The following MAPKAP1 variants were observed in gnomAD, a reference collection of about 807,000 sequenced individuals.
MAPKAP1 encodes the protein target of rapamycin complex 2 subunit MAPKAP1.
MAPKAP1 carries 20 observed loss-of-function variants against 65.7 expected under a neutral mutation model. That is an observed-to-expected ratio of 0.30 (90% CI 0.21 to 0.44). The LOEUF (loss-of-function observed/expected upper bound fraction) is 0.44, where lower values mean the gene tolerates loss of function less well. MAPKAP1 is among the 20% of genes least tolerant of loss of function. The pLI, the probability that MAPKAP1 is intolerant of heterozygous loss-of-function variation, is 1.00. For synonymous variants in MAPKAP1, 222 were observed against 244.3 expected (o/e 0.91, Z 0.85); for missense variants, 423 against 648.0 (o/e 0.65, Z 3.77).
intron 4 of MAPKAP1, among the ~76,000 whole-genome samples, chr9:125,624,632 T>C (rs1462860932): frequency 4.3e-4 from 20 of 46,844 alleles, no homozygotes; most frequent in Non-Finnish European, 4.8e-4. Flanking sequence ...TCAGCCCCCC[T>C]GCCCGGCCAG....
intron 7 of MAPKAP1, among the ~76,000 whole-genome samples, chr9:125,518,950 TACTTTATAGA>T (rs1401526398): frequency 1.3e-5 from 2 of 152,270 alleles, no homozygotes; most frequent in African/African-American, 4.8e-5. Flanking sequence ...TTTTGATTTT[TACTTTATAGA>T]TTCCTATCAC....
intron 8 of MAPKAP1, among the ~76,000 whole-genome samples, chr9:125,505,151 G>A (rs556279282): frequency 1.9e-4 from 29 of 152,328 alleles, no homozygotes; most frequent in African/African-American, 6.0e-4. Flanking sequence ...AGTTTGAACC[G>A]CCGGGCGCGG....
At position 125,499,567 on chromosome 9, in the gene MAPKAP1, G is replaced by A. The variant is rs116495279; in HGVS notation, c.1066+6743C>T. 7.4e-3 allele frequency among the ~76,000 whole-genome samples: 1,126 copies of A among 152,264 alleles called. 19 individuals carry two copies. Among genetic ancestry groups the A allele is most frequent in the African/African-American group, 0.025 (1,049 of 41,544 alleles). On this transcript the variant is annotated intron_variant, in intron 8 of 11. Coordinates refer to ENST00000265960, the MANE Select transcript of MAPKAP1 (RefSeq NM_001006617.3). ...GCAAATCCTTTAAGATGAGGATGCT[G>A]AGGCTCAGAGAGATCACATAACTGA...
At chr9:125,462,790 C>A (rs1483252695) in intron 10 of MAPKAP1, among the ~76,000 whole-genome samples, 1 of 152,162 alleles carries the variant, frequency 6.6e-6, no homozygotes, top group East Asian at 1.9e-4. Flanking sequence ...CCATCAAATA[C>A]CCTTAGTTTA....
At chr9:125,481,800 AC>A (rs1341221396) in intron 9 of MAPKAP1, among the ~76,000 whole-genome samples, 2 of 152,072 alleles carry the variant, frequency 1.3e-5, no homozygotes, top group Admixed American at 6.5e-5. Flanking sequence ...GCAGCTAAAC[AC>A]AAACTGGATG....
chr9:125,511,066 AG>A (rs1829283934), intron 7 of MAPKAP1, among the ~76,000 whole-genome samples: 1 of 152,148 alleles, frequency 6.6e-6, no homozygotes, highest in African/African-American at 2.4e-5. Flanking sequence ...CCTACCTCAC[AG>A]GATTGTCTAA....
intron 6 of MAPKAP1, chr9:125,559,140 A>G (rs1830819576): frequency 6.6e-6 from 1 of 152,336 alleles, no homozygotes; most frequent in African/African-American, 2.4e-5. Context: ...ATTTTATTTT[A>G]TGCATTTACA....
intron 8 of MAPKAP1, 92 bp downstream of exon 8, chr9:125,506,218 G>A (rs1170773906): frequency 9.2e-7 from 1 of 1,086,096 alleles, no homozygotes; most frequent in South Asian, 1.3e-5. Context: ...AATCTGCCTA[G>A]GGAAACCAGA....
intron 4 of MAPKAP1, among the ~76,000 whole-genome samples, chr9:125,617,234 A>T (rs1482791240): frequency 6.6e-6 from 1 of 152,250 alleles, no homozygotes; most frequent in Non-Finnish European, 1.5e-5. Flanking sequence ...ATGAGACAGA[A>T]GGATCGCTTA....
chr9:125,624,319 C>T (rs1452944681), intron 4 of MAPKAP1, among the ~76,000 whole-genome samples: 1 of 23,648 alleles, frequency 4.2e-5, no homozygotes, highest in African/African-American at 9.0e-5. Context: ...CCAGCCGCCC[C>T]GTCCGGGAAG....
intron 4 of MAPKAP1, among the ~76,000 whole-genome samples, chr9:125,650,954 G>C (rs72769132): frequency 6.6e-6 from 1 of 152,198 alleles, no homozygotes; most frequent in Non-Finnish European, 1.5e-5. Flanking sequence ...CTCACAAAGA[G>C]ATGTCTTTAA....
At chr9:125,522,547 G>C (rs1289734071) in intron 7 of MAPKAP1, among the ~76,000 whole-genome samples, 1 of 152,100 alleles carries the variant, frequency 6.6e-6, no homozygotes, top group East Asian at 1.9e-4. Context: ...CATTAAATCG[G>C]CTCCCAAGTT....
At chr9:125,530,072 G>A (rs1162088414) in intron 7 of MAPKAP1, among the ~76,000 whole-genome samples, 2 of 152,200 alleles carry the variant, frequency 1.3e-5, no homozygotes, top group African/African-American at 4.8e-5. Flanking sequence ...TCCAGTATCA[G>A]GCCTCTGTAA....
chr9:125,682,877 A>G (rs1051706080), intron 1 of MAPKAP1, among the ~76,000 whole-genome samples: 1 of 152,158 alleles, frequency 6.6e-6, no homozygotes, highest in Non-Finnish European at 1.5e-5. Context: ...CCAAAGATAC[A>G]CTGCTGAGCA....
At chr9:125,463,497 G>A (rs1308282312) in intron 10 of MAPKAP1, among the ~76,000 whole-genome samples, 1 of 152,178 alleles carries the variant, frequency 6.6e-6, no homozygotes, top group Admixed American at 6.5e-5. Flanking sequence ...TAAGTGGTAG[G>A]TCACCAATAA....
At chr9:125,485,240 G>C (rs1007499670) in intron 8 of MAPKAP1, among the ~76,000 whole-genome samples, 2 of 152,198 alleles carry the variant, frequency 1.3e-5, no homozygotes, top group Non-Finnish European at 2.9e-5. Context: ...GCTTGAGTGT[G>C]ACAGTCTCAT....
chr9:125,572,961 G>C (rs1181075053), intron 5 of MAPKAP1: 1 of 152,096 alleles, frequency 6.6e-6, no homozygotes. Flanking sequence ...TTCTCACTGA[G>C]CTCCTGTCTA....
chr9:125,597,281 A>T (rs1832164733), intron 4 of MAPKAP1, among the ~76,000 whole-genome samples: 1 of 149,850 alleles, frequency 6.7e-6, no homozygotes. Context: ...AAAAAAAAAA[A>T]AAAAAAAAAA....
chr9:125,585,049 T>C (rs988879279), intron 5 of MAPKAP1, among the ~76,000 whole-genome samples: 4 of 152,144 alleles, frequency 2.6e-5, no homozygotes, highest in Non-Finnish European at 4.4e-5. Flanking sequence ...TGCAAAAACC[T>C]TGGCATCAAA....
Sources: gnomAD v4.1 joint callset for allele counts (sites outside exome capture counted in the v4.1 genomes callset) on GRCh38, gnomAD v4.1.1 for gene constraint, MANE v1.5 for transcripts, NCBI Gene and HGNC (gene_info 2026-07-23, HGNC 2026-07-21) for gene names.